GRID2: variants seen among roughly 807,000 people sequenced by gnomAD.
GRID2 encodes glutamate receptor ionotropic, delta-2.
GRID2 carries 33 observed loss-of-function variants against 114.8 expected under a neutral mutation model. The ratio of observed to expected loss-of-function variants is 0.29; its 90% CI spans 0.22 to 0.38. The LOEUF (loss-of-function observed/expected upper bound fraction) is 0.38, where lower values mean the gene tolerates loss of function less well. Among genes scored for constraint, GRID2 ranks in the 10% least tolerant of loss-of-function variants. GRID2 has a pLI of 1.00. For synonymous variants in GRID2, 505 were observed against 449.9 expected, an observed-to-expected ratio of 1.12 and a Z score of -1.55; for missense variants, 1,184 against 1,257.7, an observed-to-expected ratio of 0.94 and a Z score of 0.89.
chr4:93,536,611 C>T (rs1481874946), intron 13 of GRID2, among the ~76,000 whole-genome samples: 2 of 150,280 alleles, frequency 1.3e-5, no homozygotes, highest in Non-Finnish European at 3.0e-5. Context: ...AAGAGCCATG[C>T]CATTGGTCTT....
chr4:93,783,128 C>T (rs1288293524), intron 1 of GRID2, among the ~76,000 whole-genome samples: 1 of 152,170 alleles, frequency 6.6e-6, no homozygotes, highest in Non-Finnish European at 1.5e-5. Context: ...ACAAGCAAGT[C>T]GCTAATTTCT....
intron 7 of GRID2, among the ~76,000 whole-genome samples, chr4:93,230,582 C>T (rs1746014164): frequency 6.6e-6 from 1 of 151,940 alleles, no homozygotes. Flanking sequence ...CCTTTTTATT[C>T]TATTTTTAGG....
chr4:92,660,389 C>CA (rs1732459832), intron 2 of GRID2, among the ~76,000 whole-genome samples: 1 of 151,102 alleles, frequency 6.6e-6, no homozygotes, highest in Non-Finnish European at 1.5e-5. Flanking sequence ...ACAAACTGTC[C>CA]AAAACGATGA....
At chr4:92,479,985 T>C (rs1329929264) in intron 1 of GRID2, among the ~76,000 whole-genome samples, 2 of 152,182 alleles carry the variant, frequency 1.3e-5, no homozygotes, top group African/African-American at 2.4e-5. Flanking sequence ...TGAAACATTG[T>C]AATTACTAGC....
intron 8 of GRID2, among the ~76,000 whole-genome samples, chr4:93,370,247 T>C (rs151190636): frequency 1.1e-4 from 16 of 152,256 alleles, no homozygotes; most frequent in African/African-American, 3.6e-4. Flanking sequence ...AGCTTTCAGA[T>C]ACATAAAGGA....
chr4:93,288,589 G>A (rs551209047), intron 8 of GRID2, among the ~76,000 whole-genome samples: 1 of 152,302 alleles, frequency 6.6e-6, no homozygotes, highest in South Asian at 2.1e-4. Flanking sequence ...ATAACTCTGA[G>A]TTTCCTGGGC....
Position 93,126,801 on chromosome 4 carries a change from G to C in GRID2, c.735+15848G>C, listed in dbSNP as rs377764030. 4.1e-3 allele frequency among the ~76,000 whole-genome samples: 615 copies of C among 151,486 alleles called. 8 individuals carry two copies. The highest frequency in any genetic ancestry group is 0.014 in the African/African-American group (594 of 41,332). On this transcript the variant is annotated intron_variant, in intron 4 of 15. Transcript: ENST00000282020. ...TTTAGTAGAGACGGGGTTTCACCGTGTTAGCCAGGATGGTCTCGATCTCCT... is the reference window on the plus strand; with the variant it reads ...TTTAGTAGAGACGGGGTTTCACCGTCTTAGCCAGGATGGTCTCGATCTCCT...
At chr4:92,318,460 C>T (rs1165103130) in intron 1 of GRID2, among the ~76,000 whole-genome samples, 1 of 147,438 alleles carries the variant, frequency 6.8e-6, no homozygotes, top group African/African-American at 2.5e-5. Flanking sequence ...GTTTACAACC[C>T]TCTTTGGAGG....
chr4:92,663,653 A>T lies in GRID2; in HGVS notation c.244+73367A>T, dbSNP rs536387484. Reference sequence around the variant, plus strand: ...TATTTTGGTAAGTACAAATGGTATAAAATTTGCCATCTTATCTATTTTTAA... The same window carrying T: ...TATTTTGGTAAGTACAAATGGTATATAATTTGCCATCTTATCTATTTTTAA... On this transcript the variant is annotated intron_variant, in intron 2 of 15. Coordinates refer to ENST00000282020, the MANE Select transcript of GRID2 (RefSeq NM_001510.4). Among the ~76,000 whole-genome samples, 7 of 151,174 alleles carry T rather than the reference A, an allele frequency of 4.6e-5. No individual in the cohort carries two copies. In the South Asian group the frequency reaches 1.5e-3, roughly 31 times the overall value.
chr4:93,415,577 T>C (rs1042375741), intron 9 of GRID2, among the ~76,000 whole-genome samples: 1 of 151,988 alleles, frequency 6.6e-6, no homozygotes, highest in Non-Finnish European at 1.5e-5. Flanking sequence ...GTACTTAGGA[T>C]TATTGTAATT....
chr4:92,966,162 G>A (rs1241463367), intron 2 of GRID2, among the ~76,000 whole-genome samples: 2 of 151,870 alleles, frequency 1.3e-5, no homozygotes, highest in Middle Eastern at 3.2e-3. Flanking sequence ...AGAAAACAAA[G>A]GGCAAGGCCT....
intron 1 of GRID2, among the ~76,000 whole-genome samples, chr4:93,794,413 G>T (rs749214984): frequency 1.3e-5 from 2 of 152,128 alleles, no homozygotes; most frequent in African/African-American, 2.4e-5. Context: ...CCTGTTGTTT[G>T]CATAGGGACA....
intron 8 of GRID2, among the ~76,000 whole-genome samples, chr4:93,247,052 G>C (rs913522920): frequency 1.3e-5 from 2 of 152,168 alleles, no homozygotes; most frequent in Non-Finnish European, 2.9e-5. Flanking sequence ...CAGGTAAGCA[G>C]CATTCACTGC....
intron 3 of GRID2, among the ~76,000 whole-genome samples, chr4:93,088,010 G>A (rs542728665): frequency 6.6e-6 from 1 of 152,076 alleles, no homozygotes; most frequent in African/African-American, 2.4e-5. Context: ...GGAATCTATG[G>A]ATGGAATTAG....
At chr4:92,484,712 G>A (rs1490864627) in intron 1 of GRID2, among the ~76,000 whole-genome samples, 2 of 152,180 alleles carry the variant, frequency 1.3e-5, no homozygotes, top group African/African-American at 4.8e-5. Flanking sequence ...GTCTAGTTCA[G>A]TAGATATTGA....
chr4:93,730,646 C>G (rs1730398134), intron 14 of GRID2, among the ~76,000 whole-genome samples: 1 of 152,144 alleles, frequency 6.6e-6, no homozygotes, highest in Non-Finnish European at 1.5e-5. Flanking sequence ...CATCTTATTG[C>G]TGAGGGAGCC....
At chr4:93,030,620 A>G (rs1724323774) in intron 2 of GRID2, among the ~76,000 whole-genome samples, 1 of 151,892 alleles carries the variant, frequency 6.6e-6, no homozygotes, top group African/African-American at 2.4e-5. Context: ...CCTGACCTCA[A>G]GCAATCCACC....
chr4:92,874,630 A>AT (rs1745499269), intron 2 of GRID2, among the ~76,000 whole-genome samples: 1 of 152,186 alleles, frequency 6.6e-6, no homozygotes, highest in Admixed American at 6.5e-5. Context: ...ATTTGTATGT[A>AT]TGAGTAAAGG....
At chr4:93,152,328 AG>A (rs568958639) in intron 4 of GRID2, among the ~76,000 whole-genome samples, 12 of 152,302 alleles carry the variant, frequency 7.9e-5, no homozygotes, top group African/African-American at 2.9e-4. Context: ...CAAGGCAAAA[AG>A]AATAAAAAGG....
Sources: allele counts gnomAD v4.1 joint callset (sites outside exome capture counted in the v4.1 genomes callset), GRCh38; gene constraint gnomAD v4.1.1; transcripts MANE v1.5; gene names NCBI Gene and HGNC (gene_info 2026-07-23, HGNC 2026-07-21).